Variants in RBFOX1 observed in about 807,000 individuals in gnomAD.
The protein encoded by RBFOX1 is RNA binding fox-1 homolog 1, also known as RNA binding protein fox-1 homolog 1.
Under a neutral mutation model 57.7 loss-of-function variants are expected in RBFOX1, and 8 were observed. The ratio of observed to expected loss-of-function variants is 0.14; its 90% CI spans 0.08 to 0.25. RBFOX1 has a LOEUF of 0.25. RBFOX1 is among the 10% of genes least tolerant of loss of function. The pLI is 1.00. For missense variants in RBFOX1, 611 were observed against 548.5 expected (o/e 1.11, Z -1.14); for synonymous variants, 326 against 222.4 (o/e 1.47, Z -4.15).
At chr16:7,206,341 T>TAACA (rs1380048677) in intron 4 of RBFOX1, among the ~76,000 whole-genome samples, 62 of 152,198 alleles carry the variant, frequency 4.1e-4, no homozygotes, top group East Asian at 5.8e-4. Context: ...TGACTTTGCC[T>TAACA]TGCCAAGTAA....
intron 3 of RBFOX1, among the ~76,000 whole-genome samples, chr16:5,660,911 G>A (rs2049625142): frequency 6.6e-6 from 1 of 152,132 alleles, no homozygotes; most frequent in Non-Finnish European, 1.5e-5. Flanking sequence ...AGGATGAATT[G>A]CCTCCAACCC....
intron 3 of RBFOX1, among the ~76,000 whole-genome samples, chr16:6,693,715 A>G (rs1007301253): frequency 1.3e-4 from 20 of 151,366 alleles, no homozygotes; most frequent in Non-Finnish European, 2.7e-4. Context: ...CTCCTCCACT[A>G]CCATCACCAC....
chr16:7,122,988 CAAGA>C (rs1049272612), intron 4 of RBFOX1, among the ~76,000 whole-genome samples: 2 of 150,350 alleles, frequency 1.3e-5, no homozygotes, highest in African/African-American at 4.9e-5. Context: ...ATGACATCTG[CAAGA>C]AAGAAAGCTG....
At chr16:7,262,734 A>C (rs1342477653) in intron 4 of RBFOX1, among the ~76,000 whole-genome samples, 1 of 152,278 alleles carries the variant, frequency 6.6e-6, no homozygotes, top group Admixed American at 6.5e-5. Context: ...AGAGGGCATC[A>C]TGCCCGGCAT....
At chr16:6,991,336 C>T (rs1421912544) in intron 3 of RBFOX1, among the ~76,000 whole-genome samples, 2 of 151,984 alleles carry the variant, frequency 1.3e-5, no homozygotes, top group Non-Finnish European at 2.9e-5. Flanking sequence ...TTCTCCATTT[C>T]AGCTAATACA....
chr16:6,054,991 C>T (rs1008180369), intron 1 of RBFOX1, among the ~76,000 whole-genome samples: 2 of 151,866 alleles, frequency 1.3e-5, no homozygotes, highest in Non-Finnish European at 2.9e-5. Flanking sequence ...ACCATGTTGG[C>T]CAGGATTGTC....
chr16:6,020,381 C>T (rs1004775270), intron 1 of RBFOX1, among the ~76,000 whole-genome samples: 1 of 152,154 alleles, frequency 6.6e-6, no homozygotes, highest in African/African-American at 2.4e-5. Flanking sequence ...AGCGCGCCCC[C>T]GGACCGCTGC....
At chr16:7,631,012 A>G (rs1395510061) in intron 11 of RBFOX1, among the ~76,000 whole-genome samples, 1 of 152,186 alleles carries the variant, frequency 6.6e-6, no homozygotes, top group African/African-American at 2.4e-5. Flanking sequence ...TAATTTAAAT[A>G]GCATATACAG....
chr16:7,688,260 T>TGTGTGTGAGAGA (rs1319185243), intron 14 of RBFOX1, among the ~76,000 whole-genome samples: 11 of 125,294 alleles, frequency 8.8e-5, no homozygotes, highest in African/African-American at 3.3e-4. Context: ...TGTGTGTGTG[T>TGTGTGTGAGAGA]GAGAGAGAGA....
intron 3 of RBFOX1, among the ~76,000 whole-genome samples, chr16:6,667,681 G>A (rs1019808611): frequency 6.6e-6 from 1 of 152,034 alleles, no homozygotes. Flanking sequence ...GGGAGTTTGA[G>A]ATGAGCCTAG....
At chr16:5,296,269 G>C (rs187063147) in intron 1 of RBFOX1, among the ~76,000 whole-genome samples, 101 of 152,268 alleles carry the variant, frequency 6.6e-4, no homozygotes, top group African/African-American at 2.3e-3. Flanking sequence ...GCATCTTTGA[G>C]GGACTATGTT....
At chr16:7,088,306 G>A (rs1356479274) in intron 4 of RBFOX1, among the ~76,000 whole-genome samples, 1 of 152,156 alleles carries the variant, frequency 6.6e-6, no homozygotes, top group Admixed American at 6.5e-5. Flanking sequence ...TCTGAGTAGT[G>A]ATGGCTTTGT....
chr16:6,575,840 G>C (rs532663273), intron 2 of RBFOX1, among the ~76,000 whole-genome samples: 35 of 150,440 alleles, frequency 2.3e-4, no homozygotes, highest in Admixed American at 2.1e-3. Flanking sequence ...CTGGGTGACA[G>C]AGTGAGACTC....
In RBFOX1 at chr16:7,397,380, T is replaced by G. The variant is rs935039313; in HGVS notation, c.28-120767T>G. Among the ~76,000 whole-genome samples the G allele has an allele frequency of 8.5e-5, 13 of 152,332 alleles. No individual in the cohort carries two copies. The East Asian group carries it at 2.5e-3, about 29-fold the overall frequency. On this transcript the variant is annotated intron_variant, in intron 4 of 15. Transcript: ENST00000550418. The stretch of plus-strand genomic sequence containing the variant: ...CTGCAGACTGTAGGACACCAGTCTA[T>G]GAACGTTGGCTTATAGGAGCACCAG...
intron 2 of RBFOX1, among the ~76,000 whole-genome samples, chr16:6,632,688 T>C (rs532828462): frequency 2.5e-4 from 38 of 152,338 alleles, no homozygotes; most frequent in Admixed American, 8.5e-4. Flanking sequence ...AGGCCTTCTT[T>C]GGCTGAAGTG....
intron 1 of RBFOX1, among the ~76,000 whole-genome samples, chr16:6,127,063 C>T (rs1441790493): frequency 1.3e-5 from 2 of 152,090 alleles, no homozygotes; most frequent in Admixed American, 1.3e-4. Context: ...TCAAGCTGGA[C>T]CCACATCCAT....
intron 1 of RBFOX1, among the ~76,000 whole-genome samples, chr16:5,279,439 T>C (rs533164869): frequency 7.2e-5 from 11 of 152,308 alleles, no homozygotes; most frequent in African/African-American, 2.6e-4. Context: ...TACTGATTTT[T>C]GTGTGTTGAT....
intron 1 of RBFOX1, among the ~76,000 whole-genome samples, chr16:6,266,941 G>T (rs1598985296): frequency 6.6e-6 from 1 of 152,298 alleles, no homozygotes; most frequent in African/African-American, 2.4e-5. Context: ...AGTGCCTTAT[G>T]ATTGGCATTC....
intron 3 of RBFOX1, among the ~76,000 whole-genome samples, chr16:5,636,415 G>A (rs1002560039): frequency 6.6e-6 from 1 of 152,176 alleles, no homozygotes; most frequent in African/African-American, 2.4e-5. Flanking sequence ...ACACTTTACT[G>A]GTTATTGCAG....
Sources: allele counts gnomAD v4.1 joint callset (sites outside exome capture counted in the v4.1 genomes callset), GRCh38; gene constraint gnomAD v4.1.1; transcripts MANE v1.5; gene names NCBI Gene and HGNC (gene_info 2026-07-23, HGNC 2026-07-21).